Variants in DLG2 observed in about 807,000 individuals in gnomAD.
DLG2 encodes disks large homolog 2.
A neutral mutation model predicts 132.5 loss-of-function variants in DLG2; 45 were observed. That is an observed-to-expected ratio of 0.34 (90% CI 0.27 to 0.44). DLG2 has a LOEUF of 0.44. Among genes scored for constraint, DLG2 ranks in the 20% least tolerant of loss-of-function variants. The pLI is 1.00. For missense variants in DLG2, 1,045 were observed against 1,196.9 expected (o/e 0.87, Z 1.87); for synonymous variants, 424 against 419.6 (o/e 1.01, Z -0.13).
rs149904992 is a variant in DLG2, at chr11:84,113,708, T to A, written c.625-14661A>T. 5.3e-5 allele frequency among the ~76,000 whole-genome samples: 8 copies of A among 152,288 alleles called. No homozygotes were observed. In the East Asian group the frequency reaches 1.5e-3, roughly 29 times the overall value. On this transcript the variant is annotated intron_variant, in intron 9 of 27. Transcript: ENST00000376104. ...CTGCATAGCTCAGTGAATCAATAAA[T>A]CAGTAATTTTCAATCAACCAATACA...
chr11:84,806,539 A>T (rs1458709413), intron 6 of DLG2, among the ~76,000 whole-genome samples: 1 of 152,226 alleles, frequency 6.6e-6, no homozygotes, highest in South Asian at 2.1e-4. Flanking sequence ...AATATTTTCG[A>T]CTGCTGAAAG....
chr11:84,841,439 G>C (rs1226234212), intron 6 of DLG2, among the ~76,000 whole-genome samples: 1 of 151,904 alleles, frequency 6.6e-6, no homozygotes, highest in Admixed American at 6.6e-5. Context: ...ATTCTTAATT[G>C]AAAAATCAAA....
intron 3 of DLG2, among the ~76,000 whole-genome samples, chr11:85,592,979 A>G (rs1178849141): frequency 6.6e-6 from 1 of 151,764 alleles, no homozygotes; most frequent in Non-Finnish European, 1.5e-5. Context: ...AAAAGAAAAG[A>G]AAAGAAAAAA....
chr11:84,673,609 A>G (rs1259048073), intron 6 of DLG2, among the ~76,000 whole-genome samples: 2 of 150,998 alleles, frequency 1.3e-5, no homozygotes, highest in African/African-American at 4.8e-5. Flanking sequence ...TCTAAAAAAA[A>G]AAAAAAAATT....
intron 17 of DLG2, among the ~76,000 whole-genome samples, chr11:83,791,740 C>T (rs2041611849): frequency 6.6e-6 from 1 of 152,176 alleles, no homozygotes; most frequent in African/African-American, 2.4e-5. Context: ...TCAAGACCAG[C>T]TTGGGCAACA....
intron 7 of DLG2, among the ~76,000 whole-genome samples, chr11:84,355,441 C>G (rs1291913052): frequency 1.3e-5 from 2 of 151,872 alleles, no homozygotes; most frequent in African/African-American, 4.8e-5. Context: ...AAAAGAGTCC[C>G]CAGAGAAGTG....
chr11:85,193,162 A>T (rs1264182262), intron 4 of DLG2, among the ~76,000 whole-genome samples: 1 of 152,220 alleles, frequency 6.6e-6, no homozygotes, highest in Non-Finnish European at 1.5e-5. Flanking sequence ...GAATTTTATA[A>T]ATTGAATCAT....
At chr11:83,931,906 T>C (rs59818358) in intron 14 of DLG2, among the ~76,000 whole-genome samples, 2,944 of 152,308 alleles carry the variant, frequency 0.019, 66 homozygotes, top group East Asian at 0.072. Context: ...CAAAGTCTTA[T>C]CAACACAGAG....
intron 3 of DLG2, among the ~76,000 whole-genome samples, chr11:85,392,280 A>T (rs1038371759): frequency 6.6e-6 from 1 of 152,162 alleles, no homozygotes; most frequent in African/African-American, 2.4e-5. Flanking sequence ...GCTGTAAGAA[A>T]TCATATATGA....
chr11:83,503,420 T>TATATATATATAG (rs1555118627), intron 21 of DLG2, among the ~76,000 whole-genome samples: 2 of 78,364 alleles, frequency 2.6e-5, no homozygotes, highest in African/African-American at 4.0e-5. Flanking sequence ...TATATATATA[T>TATATATATATAG]ATAGATAGAT....
intron 19 of DLG2, among the ~76,000 whole-genome samples, chr11:83,573,717 A>C (rs2096833973): frequency 6.6e-6 from 1 of 152,132 alleles, no homozygotes; most frequent in African/African-American, 2.4e-5. Context: ...AAAATGTAGG[A>C]AACTTTTATT....
At position 84,398,095 on chromosome 11, in the gene DLG2, G is replaced by C. The variant is rs144596764; in HGVS notation, c.519+136475C>G. On this transcript the variant is annotated intron_variant, in intron 7 of 27. Coordinates refer to ENST00000376104, the MANE Select transcript of DLG2 (RefSeq NM_001142699.3). ...ATTTAAAGCAGCTTAGTTCTGAAAG[G>C]CTTCCTTGTACTTTTGCTACAATTC... 5.3e-5 allele frequency among the ~76,000 whole-genome samples: 8 copies of C among 152,162 alleles called. No homozygotes were observed. The South Asian group carries it at 1.7e-3, about 32-fold the overall frequency.
At chr11:84,861,247 G>C (rs1460517606) in intron 6 of DLG2, among the ~76,000 whole-genome samples, 4 of 152,004 alleles carry the variant, frequency 2.6e-5, no homozygotes, top group Non-Finnish European at 5.9e-5. Flanking sequence ...AAAAGAAAGG[G>C]GGATAAGCAT....
intron 18 of DLG2, chr11:83,724,846 T>C (rs1413948677): frequency 2.8e-6 from 2 of 702,366 alleles, no homozygotes; most frequent in African/African-American, 3.5e-5. Context: ...AAAAGCAGCA[T>C]GATTCTCACC....
At chr11:83,693,851 T>C (rs2081410387) in intron 18 of DLG2, 1 of 152,176 alleles carries the variant, frequency 6.6e-6, no homozygotes, top group Non-Finnish European at 1.5e-5. Flanking sequence ...GAGCAGGGTT[T>C]CTCGGGTTTG....
chr11:84,552,842 C>G (rs141626273), intron 6 of DLG2, among the ~76,000 whole-genome samples: 99 of 152,256 alleles, frequency 6.5e-4, no homozygotes, highest in African/African-American at 2.3e-3. Flanking sequence ...ACAAGTTTGG[C>G]TATATCACTC....
chr11:83,689,904 T>G (rs1200502875), intron 18 of DLG2, among the ~76,000 whole-genome samples: 1 of 145,350 alleles, frequency 6.9e-6, no homozygotes, highest in Non-Finnish European at 1.5e-5. Flanking sequence ...ATAAATATAT[T>G]TATGTAAATA....
At chr11:84,567,164 C>T (rs1565321865) in intron 6 of DLG2, among the ~76,000 whole-genome samples, 1 of 151,626 alleles carries the variant, frequency 6.6e-6, no homozygotes, top group Non-Finnish European at 1.5e-5. Context: ...GCCACACAAG[C>T]GTTATTGAAA....
At chr11:83,906,558 G>T (rs1170287871) in intron 15 of DLG2, among the ~76,000 whole-genome samples, 1 of 151,988 alleles carries the variant, frequency 6.6e-6, no homozygotes, top group Admixed American at 6.6e-5. Flanking sequence ...AGTGTGATGT[G>T]GGTAGAACAC....
Sources: gnomAD v4.1 joint callset for allele counts (sites outside exome capture counted in the v4.1 genomes callset) on GRCh38, gnomAD v4.1.1 for gene constraint, MANE v1.5 for transcripts, NCBI Gene and HGNC (gene_info 2026-07-23, HGNC 2026-07-21) for gene names.